Variants in PCCB observed in about 807,000 individuals in gnomAD.
PCCB encodes propionyl-CoA carboxylase beta chain, mitochondrial.
PCCB carries 43 observed loss-of-function variants against 60.7 expected under a neutral mutation model. The ratio of observed to expected loss-of-function variants is 0.71; its 90% CI spans 0.55 to 0.91. PCCB has a LOEUF of 0.91. Among genes scored for constraint, PCCB ranks in the 40% least tolerant of loss-of-function variants. The pLI is 0.00. For synonymous variants in PCCB, 276 were observed against 255.9 expected (o/e 1.08, Z -0.75); for missense variants, 766 against 702.8 (o/e 1.09, Z -1.02).
intron 5 of PCCB, among the ~76,000 whole-genome samples, chr3:136,268,431 G>C (rs1170506650): frequency 3.3e-5 from 5 of 149,990 alleles, no homozygotes; most frequent in African/African-American, 7.3e-5. Context: ...GTAGTTTATA[G>C]GAGTTTTGAA....
At chr3:136,259,643 T>G (rs531113115) in intron 3 of PCCB, among the ~76,000 whole-genome samples, 2 of 152,370 alleles carry the variant, frequency 1.3e-5, no homozygotes, top group African/African-American at 4.8e-5. Context: ...CTAGCTCTTT[T>G]GCTCTTGACA....
Position 136,317,023 on chromosome 3 carries a change from G to T in PCCB, c.1049G>T (p.Arg350Met). 6.2e-7 allele frequency: 1 copy of T among 1,613,932 alleles called. No individual in the cohort carries two copies. Among genetic ancestry groups the T allele is most frequent in the South Asian group, 1.1e-5 (1 of 91,074 alleles). The stretch of plus-strand genomic sequence containing the variant: ...GTTGGTTTTGCAAGAATGAATGGGA[G>T]GACTGTTGGAATTGTTGGCAACCAA... ...IIVGFARMNG[R>M]TVGIVGNQPK... is the part of the protein sequence containing the mutation. The change falls in exon 10 of 15, where the codon AGG (arginine) becomes ATG (methionine). Residue 350 changes from arginine to methionine, a missense_variant. Coordinates refer to ENST00000251654, the MANE Select transcript of PCCB (RefSeq NM_000532.5).
intron 9 of PCCB, among the ~76,000 whole-genome samples, chr3:136,312,904 C>T (rs903594250): frequency 3.3e-5 from 5 of 152,126 alleles, no homozygotes; most frequent in East Asian, 1.9e-4. Context: ...GAGGGATTAA[C>T]AACCAAAATT....
At chr3:136,258,094 T>C (rs1037805719) in intron 3 of PCCB, among the ~76,000 whole-genome samples, 3 of 152,216 alleles carry the variant, frequency 2.0e-5, no homozygotes, top group Admixed American at 6.5e-5. Context: ...GTGCAATTTA[T>C]GAGAGCTGAG....
chr3:136,317,844 T>A (rs1934964947), intron 10 of PCCB, among the ~76,000 whole-genome samples: 1 of 152,212 alleles, frequency 6.6e-6, no homozygotes, highest in African/African-American at 2.4e-5. Context: ...CAGACCTGAT[T>A]CGCAGCCAAG....
At chr3:136,298,215 A>G (rs1376058077) in intron 8 of PCCB, 143 bp downstream of exon 8, 1 of 950,336 alleles carries the variant, frequency 1.1e-6, no homozygotes, top group Non-Finnish European at 1.7e-6. Flanking sequence ...GGATGATGTC[A>G]TGTTTGGCTA....
rs778029025 is a variant in PCCB at position 136,328,742 on chromosome 3, ACTC to A, written c.1399-12_1399-10del. ...TTGGGACGACCAAAGATGTTCATGA[ACTC>A]CTCTAATCACAGGGCGCTGTGGAGA... On this transcript the variant is annotated splice_polypyrimidine_tract_variant and intron_variant, in intron 13 of 14. Transcript: ENST00000251654. 1 of 1,602,562 alleles carries A rather than the reference ACTC, an allele frequency of 6.2e-7. No homozygotes were observed. Among genetic ancestry groups the A allele is most frequent in the Admixed American group, 1.7e-5 (1 of 59,992 alleles).
In PCCB at chr3:136,292,051, G is replaced by A. The variant is rs143830991; in HGVS notation, c.655-1705G>A. On this transcript the variant is annotated intron_variant, in intron 6 of 14. Transcript: ENST00000251654. ...TCTGCCCTGCAAGGCTCAATTTTCT[G>A]CATTTGCCAGTTGGTCTCCAGTTTT... Among the ~76,000 whole-genome samples the A allele has an allele frequency of 7.1e-3, 1,077 of 152,224 alleles. 15 individuals carry two copies. Among genetic ancestry groups the A allele is most frequent in the African/African-American group, 0.023 (968 of 41,532 alleles).
intron 6 of PCCB, among the ~76,000 whole-genome samples, chr3:136,291,319 A>G (rs1933678460): frequency 6.6e-6 from 1 of 152,126 alleles, no homozygotes; most frequent in Admixed American, 6.5e-5. Flanking sequence ...GATAATTCCA[A>G]CATTTCTGCT....
intron 5 of PCCB, among the ~76,000 whole-genome samples, chr3:136,277,746 G>A (rs1184074842): frequency 6.6e-6 from 1 of 152,180 alleles, no homozygotes; most frequent in Non-Finnish European, 1.5e-5. Context: ...GGTCGGAAAG[G>A]CAGATCTCAC....
At chr3:136,281,976 C>T (rs556260571) in intron 5 of PCCB, among the ~76,000 whole-genome samples, 9 of 152,206 alleles carry the variant, frequency 5.9e-5, no homozygotes, top group African/African-American at 2.2e-4. Context: ...TTTTTAAATC[C>T]CTTGTGGCTG....
At chr3:136,327,589 C>A (rs201277706) in intron 12 of PCCB, 45 bp from the exon 13 acceptor site, 3 of 1,419,948 alleles carry the variant, frequency 2.1e-6, no homozygotes, top group Non-Finnish European at 3.0e-6. Flanking sequence ...GGGACATGAT[C>A]TGGCTGTCTC....
At chr3:136,326,357 T>A in intron 10 of PCCB, 1 of 702,892 alleles carries the variant, frequency 1.4e-6, no homozygotes, top group South Asian at 1.5e-5. Flanking sequence ...GGAACTATGC[T>A]AGGAGGCAGT....
chr3:136,302,345 G>C (rs1157250184), intron 9 of PCCB, among the ~76,000 whole-genome samples: 1 of 121,456 alleles, frequency 8.2e-6, no homozygotes, highest in African/African-American at 2.5e-5. Flanking sequence ...AGTCAAAATA[G>C]TTCCATCAGA....
At chr3:136,263,074 C>T (rs957626661) in intron 5 of PCCB, among the ~76,000 whole-genome samples, 3 of 149,770 alleles carry the variant, frequency 2.0e-5, no homozygotes, top group Admixed American at 2.0e-4. Context: ...CCTGCCTCAG[C>T]CTCCCGAGTG....
chr3:136,307,545 A>G (rs1934487283), intron 9 of PCCB, among the ~76,000 whole-genome samples: 2 of 152,154 alleles, frequency 1.3e-5, no homozygotes, highest in Non-Finnish European at 2.9e-5. Context: ...TACAAAGGTA[A>G]CCACTAGACT....
chr3:136,319,940 C>T (rs1391015655), intron 10 of PCCB, among the ~76,000 whole-genome samples: 2 of 152,078 alleles, frequency 1.3e-5, no homozygotes, highest in Admixed American at 6.5e-5. Context: ...ATTCCAGCAC[C>T]GTTTGTTGAA....
Position 136,326,892 on chromosome 3 carries a change from G to A in PCCB, c.1180G>A (p.Val394Ile). 2 of 1,610,414 alleles carry A rather than the reference G, an allele frequency of 1.2e-6. No homozygotes were observed. Among genetic ancestry groups the A allele is most frequent in the Non-Finnish European group, 1.7e-6 (2 of 1,176,602 alleles). Residue 394 changes from valine to isoleucine, a missense_variant, in exon 11 of 15, where the codon GTC becomes ATC. Coordinates refer to ENST00000251654, the MANE Select transcript of PCCB (RefSeq NM_000532.5). ...TATTCCACTCATCACTTTTGTTGAT[G>A]TCCCTGGCTTTCTACCTGGTAAGTT... ...FNIPLITFVD[V>I]PGFLPGTAQE...
At chr3:136,328,943 T>C (rs1409434392) in intron 14 of PCCB, 86 bp downstream of exon 14, 1 of 1,116,078 alleles carries the variant, frequency 9.0e-7, no homozygotes, top group Non-Finnish European at 1.4e-6. Flanking sequence ...CATAACTGCC[T>C]TTTTGCCTTT....
Sources: gnomAD v4.1 joint callset for allele counts (sites outside exome capture counted in the v4.1 genomes callset) on GRCh38, gnomAD v4.1.1 for gene constraint, MANE v1.5 for transcripts, NCBI Gene and HGNC (gene_info 2026-07-23, HGNC 2026-07-21) for gene names.